Variants in CACNA1E observed in about 807,000 individuals in gnomAD.
The protein encoded by CACNA1E is voltage-dependent R-type calcium channel subunit alpha-1E.
A neutral mutation model predicts 259.2 loss-of-function variants in CACNA1E; 40 were observed. The observed-to-expected ratio is 0.15, with a 90% CI of 0.12 to 0.20. CACNA1E has a LOEUF of 0.20. Among genes scored for constraint, CACNA1E ranks in the 10% least tolerant of loss-of-function variants. CACNA1E has a pLI of 1.00. For synonymous variants in CACNA1E, 1,104 were observed against 1,138.5 expected, an observed-to-expected ratio of 0.97 and a Z score of 0.61; for missense variants, 1,874 against 3,040.1, an observed-to-expected ratio of 0.62 and a Z score of 9.02.
At chr1:181,747,621 A>G (rs1386680588) in intron 25 of CACNA1E, among the ~76,000 whole-genome samples, 1 of 152,230 alleles carries the variant, frequency 6.6e-6, no homozygotes, top group Non-Finnish European at 1.5e-5. Context: ...TGAACCTGAT[A>G]GAAATTTTAT....
At position 181,579,205 on chromosome 1, in the gene CACNA1E, A is replaced by G. The variant is rs17443123; in HGVS notation, c.750A>G (p.Ala250=). The G allele has an allele frequency of 0.13, 202,798 of 1,612,722 alleles. 13,868 individuals carry two copies. The highest frequency in any genetic ancestry group is 0.15 in the Middle Eastern group (888 of 6,062). The change falls in exon 5 of 48, where the codon GCA becomes GCG. Residue 250 remains alanine (A), a synonymous_variant. Transcript: ENST00000367573. ...TCTACAGTGGCAAGTTACATCGAGC[A>G]TGCTTCATGAACAATTCAGGTAGGG... ...LEFYSGKLHR[A]CFMNNSGILE...
At chr1:181,785,499 T>C (rs374353107) in intron 42 of CACNA1E, 81 bp downstream of exon 42, 3 of 1,031,552 alleles carry the variant, frequency 2.9e-6, no homozygotes, top group South Asian at 1.3e-5. Context: ...CCCTGGGGCA[T>C]AGTGCCCGGC....
intron 1 of CACNA1E, among the ~76,000 whole-genome samples, chr1:181,358,601 T>C (rs546248095): frequency 1.3e-5 from 2 of 152,322 alleles, no homozygotes; most frequent in East Asian, 3.9e-4. Context: ...TGGAGAAGCC[T>C]AGACAGCTGC....
At chr1:181,785,453 C>T (rs1267727893) in intron 42 of CACNA1E, 35 bp downstream of exon 42, 2 of 1,427,384 alleles carry the variant, frequency 1.4e-6, no homozygotes, top group South Asian at 2.3e-5. Context: ...AGTGGGTGGG[C>T]CATGAGGAGT....
At chr1:181,618,964 A>G (rs996006087) in intron 6 of CACNA1E, among the ~76,000 whole-genome samples, 2 of 152,248 alleles carry the variant, frequency 1.3e-5, no homozygotes, top group Non-Finnish European at 2.9e-5. Flanking sequence ...AACAAGTAAA[A>G]TAAATGGATT....
chr1:181,505,997 A>T (rs184950192), intron 1 of CACNA1E, among the ~76,000 whole-genome samples: 4 of 152,340 alleles, frequency 2.6e-5, no homozygotes, highest in Admixed American at 6.5e-5. Context: ...TTTGTTCAAG[A>T]TTTCAAAACA....
At chr1:181,529,430 G>A (rs568843496) in intron 3 of CACNA1E, among the ~76,000 whole-genome samples, 11 of 152,320 alleles carry the variant, frequency 7.2e-5, no homozygotes, top group South Asian at 6.2e-4. Flanking sequence ...GAGTCCCTAC[G>A]GGGGCACTGC....
intron 39 of CACNA1E, among the ~76,000 whole-genome samples, chr1:181,781,777 T>C (rs1660451190): frequency 6.6e-6 from 1 of 152,242 alleles, no homozygotes; most frequent in African/African-American, 2.4e-5. Flanking sequence ...ACTGTGTGGC[T>C]TCTTGTGAGT....
chr1:181,513,004 A>T (rs1295198245), intron 3 of CACNA1E, among the ~76,000 whole-genome samples: 1 of 152,232 alleles, frequency 6.6e-6, no homozygotes, highest in Non-Finnish European at 1.5e-5. Flanking sequence ...TCTATCTAGA[A>T]GAAAAGTGTT....
At chr1:181,409,962 A>C (rs1012514240) in intron 1 of CACNA1E, among the ~76,000 whole-genome samples, 1 of 152,034 alleles carries the variant, frequency 6.6e-6, no homozygotes, top group Non-Finnish European at 1.5e-5. Flanking sequence ...CAGGAAACAG[A>C]GGTGGGGAGC....
intron 1 of CACNA1E, among the ~76,000 whole-genome samples, chr1:181,345,838 G>A (rs998813988): frequency 6.6e-6 from 1 of 152,278 alleles, no homozygotes; most frequent in Admixed American, 6.5e-5. Flanking sequence ...GGCAGGAGTC[G>A]GGGCTCCAGG....
intron 2 of CACNA1E, among the ~76,000 whole-genome samples, chr1:181,453,128 T>G (rs1174861205): frequency 1.3e-5 from 2 of 152,252 alleles, no homozygotes; most frequent in East Asian, 3.8e-4. Flanking sequence ...GTACGTTCAT[T>G]AAAACAATCC....
chr1:181,550,609 G>A (rs11577351), intron 3 of CACNA1E, among the ~76,000 whole-genome samples: 2 of 152,054 alleles, frequency 1.3e-5, no homozygotes, highest in African/African-American at 4.8e-5. Flanking sequence ...GGGAGAAAGA[G>A]TTTCCAGAAG....
intron 6 of CACNA1E, among the ~76,000 whole-genome samples, chr1:181,630,384 G>GCCCCCCCCCCCCC (rs371364830): frequency 2.1e-5 from 3 of 145,052 alleles, no homozygotes; most frequent in African/African-American, 5.2e-5. Context: ...TAATTAACAT[G>GCCCCCCCCCCCCC]CCCCCCCACC....
chr1:181,743,679 G>T (rs768523981), intron 25 of CACNA1E, among the ~76,000 whole-genome samples: 3 of 152,196 alleles, frequency 2.0e-5, no homozygotes, highest in African/African-American at 4.8e-5. Flanking sequence ...ACACCTGTGC[G>T]TGTGTGTCTT....
At chr1:181,368,741 G>T (rs1026569259) in intron 1 of CACNA1E, among the ~76,000 whole-genome samples, 2 of 152,090 alleles carry the variant, frequency 1.3e-5, no homozygotes, top group Non-Finnish European at 2.9e-5. Flanking sequence ...AAAGCCCCTC[G>T]CACTCCACAA....
In CACNA1E at chr1:181,779,819, TACACAC is replaced by T. The variant is rs56301632; in HGVS notation, c.5268-1582_5268-1577del. ...TCATGTATGTGTGTATATGCACATG[TACACAC>T]ACACACACACACACACACACACACA... On this transcript the variant is annotated intron_variant, in intron 38 of 47. Coordinates refer to ENST00000367573, the MANE Select transcript of CACNA1E (RefSeq NM_001205293.3). 2.5e-3 allele frequency among the ~76,000 whole-genome samples: 378 copies of T among 148,354 alleles called. 5 individuals are homozygous for T. The East Asian group carries it at 0.028, about 11-fold the overall frequency.
At chr1:181,445,494 ATTCTC>A (rs59419249) in intron 2 of CACNA1E, among the ~76,000 whole-genome samples, 65,758 of 151,610 alleles carry the variant, frequency 0.43, 15,833 homozygotes, top group African/African-American at 0.67. Flanking sequence ...GATGGAAGTG[ATTCTC>A]TGGCCTAGAG....
chr1:181,774,903 T>C (rs2102787443), intron 37 of CACNA1E, among the ~76,000 whole-genome samples: 1 of 152,316 alleles, frequency 6.6e-6, no homozygotes, highest in South Asian at 2.1e-4. Context: ...CTAAATCTGC[T>C]TCAGTAAAGT....
Sources: allele counts gnomAD v4.1 joint callset (sites outside exome capture counted in the v4.1 genomes callset), GRCh38; gene constraint gnomAD v4.1.1; transcripts MANE v1.5; gene names NCBI Gene and HGNC (gene_info 2026-07-23, HGNC 2026-07-21).